The following NTMT1 variants were observed in gnomAD, a reference collection of about 807,000 sequenced individuals.
The protein encoded by NTMT1 is N-terminal Xaa-Pro-Lys N-methyltransferase 1, also known as N-terminal RCC1 methyltransferase.
In NTMT1, 8 loss-of-function variants were observed where a neutral mutation model predicts 17.5. That is an observed-to-expected ratio of 0.46 (90% confidence interval 0.27 to 0.82). The LOEUF is 0.82. Ranked by LOEUF, NTMT1 falls within the 40% of genes least tolerant of loss-of-function variation. The pLI, the probability that NTMT1 is intolerant of heterozygous loss-of-function variation, is 0.15. For synonymous variants in NTMT1, 128 were observed against 126.8 expected (o/e 1.01, Z -0.06); for missense variants, 221 against 303.5 (o/e 0.73, Z 2.02).
At position 129,634,448 on chromosome 9, in the gene NTMT1, C is replaced by A. The variant is rs1831394889; in HGVS notation, c.415+142C>A. The A allele has an allele frequency of 9.2e-6, 8 of 871,916 alleles. 1 individual carries two copies. The South Asian group carries it at 1.4e-4, about 15-fold the overall frequency. 54.0% of individuals were successfully genotyped at this position (871,916 alleles called of 1,614,324 possible). A position where few individuals can be genotyped will look rare whatever the true frequency, so the allele number is the denominator to read the frequency against. On this transcript the variant is annotated intron_variant, in intron 3 of 3. Coordinates refer to ENST00000372483, the MANE Select transcript of NTMT1 (RefSeq NM_014064.4). ...CCCACCCCGCCCAGGCCCACCCCCA[C>A]CCCGTACTTCCCAGGACTGAGGGAC...
intron 1 of NTMT1, among the ~76,000 whole-genome samples, chr9:129,619,208 G>T (rs80053692): frequency 0.015 from 2,234 of 152,284 alleles, 60 homozygotes; most frequent in African/African-American, 0.051. Flanking sequence ...GGTTGTAGAA[G>T]ACTTGGTTCA....
At position 129,609,492 on chromosome 9, in the gene NTMT1, G is replaced by A. The variant is rs1020657656; in HGVS notation, c.-55+314G>A. On this transcript the variant is annotated intron_variant, in intron 1 of 3. Transcript: ENST00000372486. The stretch of plus-strand genomic sequence containing the variant: ...ATGGGTCTGAGTTGGGGGGAGCAGA[G>A]CTTTCCTGGCCTCCCTGACATGCTG... Among the ~76,000 whole-genome samples the A allele has an allele frequency of 4.2e-4, 64 of 152,150 alleles. 1 individual carries two copies. Among genetic ancestry groups the A allele is most frequent in the Admixed American group, 4.1e-3 (63 of 15,272 alleles).
At chr9:129,630,502 C>T (rs1831105142) in intron 1 of NTMT1, among the ~76,000 whole-genome samples, 1 of 152,182 alleles carries the variant, frequency 6.6e-6, no homozygotes, top group Admixed American at 6.5e-5. Flanking sequence ...TAGTTGCTTC[C>T]CAAAGGCCTC....
rs151072869 is a variant in NTMT1, at chr9:129,635,425, C to T, written c.633C>T (p.Pro211=). 328 of 1,613,386 alleles carry T rather than the reference C, an allele frequency of 2.0e-4. 1 individual carries two copies. The South Asian group carries it at 3.4e-3, about 17-fold the overall frequency. ...CCGAGGAGAGGCAGGAGAACCTCCC[C>T]GATGAGATCTACCATGTCTATAGCT... ...LLAEERQENL[P]DEIYHVYSFA... Residue 211 remains proline, a synonymous_variant, in exon 4 of 4, where the codon CCC becomes CCT. Transcript: ENST00000372483.
upstream of NTMT1, among the ~76,000 whole-genome samples, chr9:129,624,789 T>C (rs1424073427): frequency 6.6e-6 from 1 of 152,122 alleles, no homozygotes; most frequent in Non-Finnish European, 1.5e-5. Flanking sequence ...CCACCATCCC[T>C]GGCTAATTTT....
chr9:129,616,285 G>A (rs1220699), intron 1 of NTMT1, among the ~76,000 whole-genome samples: 7,625 of 152,120 alleles, frequency 0.05, 300 homozygotes, highest in African/African-American at 0.11. Flanking sequence ...GTGCCATCTC[G>A]GCTCATTGCA....
At chr9:129,619,974 C>T (rs7467760) in intron 1 of NTMT1, 835,019 of 1,471,478 alleles carry the variant, frequency 0.57, 241,665 homozygotes, top group Non-Finnish European at 0.6. Flanking sequence ...ATCCTTCTAG[C>T]CTGGGTGGTG....
At position 129,635,338 on chromosome 9, in the gene NTMT1, CGT is replaced by C. The variant is rs1564351350; in HGVS notation, c.550_551del (p.Cys184ProfsTer4). 2 of 1,613,830 alleles carry C rather than the reference CGT, an allele frequency of 1.2e-6. No individual in the cohort carries two copies. Among genetic ancestry groups the C allele is most frequent in the Admixed American group, 3.3e-5 (2 of 60,030 alleles). On this transcript the variant is annotated frameshift_variant, in exon 4 of 4. Coordinates refer to ENST00000372483, the MANE Select transcript of NTMT1 (RefSeq NM_014064.4). LOFTEE classifies it high-confidence loss of function. ...TGATTCTGGACGACGTGGACAGCAGCGTGTGCCGGGACCTTGACGTGGTCCGC... is the reference window on the plus strand; with the variant it reads ...TGATTCTGGACGACGTGGACAGCAGCGTGCCGGGACCTTGACGTGGTCCGC... ...GVILDDVDSS[V>X]CRDLDVVRRI...
At chr9:129,635,060 C>T (rs1030470479) in intron 3 of NTMT1, 148 bp from the exon 4 acceptor site, 1 of 890,092 alleles carries the variant, frequency 1.1e-6, no homozygotes, top group Non-Finnish European at 1.7e-6. Flanking sequence ...TTTAGTAAAT[C>T]TCTCGGGACT....
chr9:129,629,709 C>T (rs1831064264), intron 1 of NTMT1, among the ~76,000 whole-genome samples: 2 of 152,176 alleles, frequency 1.3e-5, no homozygotes, highest in African/African-American at 4.8e-5. Flanking sequence ...AAAGGGCTCC[C>T]TGATTGGTGA....
At chr9:129,634,351 C>T in intron 3 of NTMT1, 45 bp downstream of exon 3, 1 of 1,548,872 alleles carries the variant, frequency 6.5e-7, no homozygotes, top group Non-Finnish European at 8.7e-7. Context: ...ATGTCTCCTG[C>T]CACTCGCGTT....
At chr9:129,611,192 T>C (rs910075106) in intron 1 of NTMT1, among the ~76,000 whole-genome samples, 1 of 152,158 alleles carries the variant, frequency 6.6e-6, no homozygotes, top group African/African-American at 2.4e-5. Context: ...TCCTTTGCCA[T>C]TAAACAAGGC....
At chr9:129,609,481 G>T (rs1009639455) in intron 1 of NTMT1, among the ~76,000 whole-genome samples, 5 of 152,108 alleles carry the variant, frequency 3.3e-5, no homozygotes, top group Admixed American at 6.5e-5. Context: ...GTCTGAGTTG[G>T]GGGGAGCAGA....
At position 129,620,241 on chromosome 9, in the gene NTMT1, G is replaced by C. The variant is rs1376218572; in HGVS notation, c.-55+11063G>C. ...CCTGGCTGCCTGGGCGCCGATTCCC[G>C]GGACGCGCCGGCCGACAGCAGGGGA... On this transcript the variant is annotated intron_variant, in intron 1 of 3. Coordinates refer to the NTMT1 transcript ENST00000372486. This position sits in a 1 kb window ranked among gnomAD's most constrained non-coding sequence, Gnocchi z 5.8. 7.5e-7 allele frequency: 1 copy of C among 1,341,758 alleles called. No individual in the cohort carries two copies. Among genetic ancestry groups the C allele is most frequent in the Non-Finnish European group, 9.6e-7 (1 of 1,040,608 alleles). 83.1% of individuals were successfully genotyped at this position (1,341,758 alleles called of 1,614,324 possible).
chr9:129,610,440 G>C (rs11788781), intron 1 of NTMT1, among the ~76,000 whole-genome samples: 29,460 of 151,858 alleles, frequency 0.19, 3,749 homozygotes, highest in African/African-American at 0.37. Context: ...TGCAAGCCTA[G>C]CAATTTTGGG....
chr9:129,616,264 G>A (rs140700034), intron 1 of NTMT1, among the ~76,000 whole-genome samples: 79 of 152,302 alleles, frequency 5.2e-4, no homozygotes, highest in African/African-American at 1.7e-3. Flanking sequence ...GGCTCAGGCT[G>A]GAGTGCAGTG....
intron 3 of NTMT1, 148 bp from the exon 4 acceptor site, chr9:129,635,060 C>A (rs1030470479): frequency 2.2e-6 from 2 of 889,968 alleles, no homozygotes; most frequent in Non-Finnish European, 3.4e-6. Context: ...TTTAGTAAAT[C>A]TCTCGGGACT....
chr9:129,634,457 TC>T, intron 3 of NTMT1, 151 bp downstream of exon 3: 1 of 763,738 alleles, frequency 1.3e-6, no homozygotes, highest in Non-Finnish European at 1.9e-6. Flanking sequence ...ACCCCGTACT[TC>T]CCAGGACTGA....
At chr9:129,623,302 C>T (rs1830793855), upstream of NTMT1, among the ~76,000 whole-genome samples, 4 of 146,890 alleles carry the variant, frequency 2.7e-5, no homozygotes, top group Non-Finnish European at 4.5e-5. Flanking sequence ...CACTGCACTC[C>T]AGCCTGGGCG....
Sources: gnomAD v4.1 joint callset for allele counts (sites outside exome capture counted in the v4.1 genomes callset) on GRCh38, gnomAD v4.1.1 for gene constraint, Gnocchi (gnomAD v3.1) non-coding constraint, MANE v1.5 for transcripts, NCBI Gene and HGNC (gene_info 2026-07-23, HGNC 2026-07-21) for gene names.